Variants in TPRG1 observed in about 807,000 individuals in gnomAD.
The protein encoded by TPRG1 is tumor protein p63-regulated gene 1 protein.
TPRG1 carries 29 observed loss-of-function variants against 29.3 expected under a neutral mutation model. The observed-to-expected ratio is 0.99, with a 90% CI of 0.74 to 1.35. The LOEUF (loss-of-function observed/expected upper bound fraction) is 1.35, where lower values mean the gene tolerates loss of function less well. Ranked by LOEUF, TPRG1 falls within the 40% of genes most tolerant of loss-of-function variation. TPRG1 has a pLI of 0.00. For synonymous variants in TPRG1, 130 were observed against 116.8 expected, an observed-to-expected ratio of 1.11 and a Z score of -0.73; for missense variants, 327 against 335.0, an observed-to-expected ratio of 0.98 and a Z score of 0.19.
intron 4 of TPRG1, among the ~76,000 whole-genome samples, chr3:189,302,707 G>A (rs1014290934): frequency 1.3e-5 from 2 of 152,160 alleles, no homozygotes. Flanking sequence ...GTTATTTATT[G>A]TCAACTTCAT....
intron 4 of TPRG1, among the ~76,000 whole-genome samples, chr3:189,061,552 G>A (rs565892214): frequency 6.6e-6 from 1 of 152,112 alleles, no homozygotes; most frequent in Admixed American, 6.5e-5. Flanking sequence ...TCTGACAAAG[G>A]TCTAATATCC....
intron 4 of TPRG1, among the ~76,000 whole-genome samples, chr3:189,255,560 G>A (rs1284876118): frequency 2.0e-5 from 3 of 151,990 alleles, no homozygotes; most frequent in East Asian, 1.9e-4. Flanking sequence ...GGAGAAGTCC[G>A]TATTTTTCTA....
chr3:189,092,629 G>A (rs1171083314), intron 4 of TPRG1, among the ~76,000 whole-genome samples: 1 of 151,906 alleles, frequency 6.6e-6, no homozygotes, highest in Non-Finnish European at 1.5e-5. Flanking sequence ...GGTGAGGGGA[G>A]GCACGCTGCT....
intron 1 of TPRG1, among the ~76,000 whole-genome samples, chr3:189,187,826 A>AT (rs1467550095): frequency 2.5e-4 from 38 of 152,210 alleles, no homozygotes; most frequent in Non-Finnish European, 1.3e-4. Context: ...AAATGAATCA[A>AT]TTTTTATCTG....
intron 3 of TPRG1, among the ~76,000 whole-genome samples, chr3:189,136,160 C>A (rs1304088997): frequency 2.0e-5 from 3 of 152,198 alleles, no homozygotes; most frequent in Non-Finnish European, 4.4e-5. Flanking sequence ...AAATAAACTT[C>A]ATGCAATAAA....
intron 3 of TPRG1, among the ~76,000 whole-genome samples, chr3:189,012,388 A>T (rs1712647941): frequency 6.6e-6 from 1 of 152,178 alleles, no homozygotes; most frequent in African/African-American, 2.4e-5. Flanking sequence ...TGAGATAATC[A>T]TGTGGTTTTT....
At chr3:189,168,296 G>A (rs7616765), upstream of TPRG1, among the ~76,000 whole-genome samples, 1,887 of 152,158 alleles carry the variant, frequency 0.012, 42 homozygotes, top group African/African-American at 0.044. Context: ...CAGATTGTCC[G>A]GAGTAAATAG....
chr3:189,300,657 C>G (rs1720683996), intron 4 of TPRG1, among the ~76,000 whole-genome samples: 1 of 152,302 alleles, frequency 6.6e-6, no homozygotes, highest in Non-Finnish European at 1.5e-5. Context: ...AGAGCTAGAC[C>G]AGATAAGCTC....
At chr3:189,312,089 CTTTCTTTGTTTCTTTGTTTCTTTCTTTG>C (rs1560688534) in intron 5 of TPRG1, among the ~76,000 whole-genome samples, 42 of 97,856 alleles carry the variant, frequency 4.3e-4, no homozygotes, top group African/African-American at 1.7e-3. Context: ...ATGTTTCTTT[CTTTCTTTGTTTCTTTGTTTCTTTCTTTG>C]TTTCTTTCTT....
chr3:189,233,917 CTGGAGTGCAG>C (rs1189993909), intron 3 of TPRG1, among the ~76,000 whole-genome samples: 3 of 152,182 alleles, frequency 2.0e-5, no homozygotes, highest in Admixed American at 6.5e-5. Context: ...GTACCCCAGG[CTGGAGTGCAG>C]TGGTGCTACA....
intron 5 of TPRG1, among the ~76,000 whole-genome samples, chr3:189,314,719 A>G (rs1723214788): frequency 1.3e-5 from 2 of 152,186 alleles, no homozygotes; most frequent in Non-Finnish European, 1.5e-5. Flanking sequence ...ATACTATTAT[A>G]TAGTTATACT....
At chr3:189,033,744 T>C (rs186195918) in intron 4 of TPRG1, among the ~76,000 whole-genome samples, 1 of 152,038 alleles carries the variant, frequency 6.6e-6, no homozygotes, top group Non-Finnish European at 1.5e-5. Context: ...CATGCCCTAA[T>C]TTTTTGTATT....
chr3:189,158,965 CCAGA>C (rs66925408), intron 5 of TPRG1, among the ~76,000 whole-genome samples: 20,051 of 150,876 alleles, frequency 0.13, 1,736 homozygotes, highest in African/African-American at 0.25. Flanking sequence ...TCTTTTTGCC[CCAGA>C]CAAAGGCAAT....
At chr3:189,177,394 G>T (rs1729618219) in intron 1 of TPRG1, among the ~76,000 whole-genome samples, 1 of 151,254 alleles carries the variant, frequency 6.6e-6, no homozygotes, top group Non-Finnish European at 1.5e-5. Context: ...AATCATATAT[G>T]TATGTATGTA....
At chr3:189,206,586 C>T (rs1734413823) in intron 1 of TPRG1, among the ~76,000 whole-genome samples, 2 of 151,276 alleles carry the variant, frequency 1.3e-5, no homozygotes, top group Non-Finnish European at 2.9e-5. Flanking sequence ...CTGCAACTTC[C>T]ACTTCCTGTG....
intron 3 of TPRG1, among the ~76,000 whole-genome samples, chr3:189,142,562 G>A (rs1029350982): frequency 3.3e-5 from 5 of 152,112 alleles, no homozygotes; most frequent in African/African-American, 9.7e-5. Context: ...TCTGATTCTT[G>A]TTGTAGTGAC....
chr3:189,158,791 C>T (rs553350919), intron 5 of TPRG1, among the ~76,000 whole-genome samples: 115 of 152,152 alleles, frequency 7.6e-4, no homozygotes, highest in African/African-American at 2.7e-3. Flanking sequence ...CTAGCTCTGC[C>T]GTTTTCGTTT....
intron 3 of TPRG1, among the ~76,000 whole-genome samples, chr3:189,235,567 G>C (rs1233625190): frequency 6.6e-6 from 1 of 152,168 alleles, no homozygotes; most frequent in Non-Finnish European, 1.5e-5. Flanking sequence ...ACTGAAAGGG[G>C]ACAAGGGCGG....
chr3:189,033,733 C>A (rs903759656), intron 4 of TPRG1, among the ~76,000 whole-genome samples: 3 of 151,992 alleles, frequency 2.0e-5, no homozygotes, highest in Admixed American at 6.6e-5. Context: ...GTACCAGCCA[C>A]CATGCCCTAA....
Sources: allele counts gnomAD v4.1 joint callset (sites outside exome capture counted in the v4.1 genomes callset), GRCh38; gene constraint gnomAD v4.1.1; transcripts MANE v1.5; gene names NCBI Gene and HGNC (gene_info 2026-07-23, HGNC 2026-07-21).